MASP1: variants seen among roughly 807,000 people sequenced by gnomAD.
MASP1 encodes mannan-binding lectin serine protease 1.
A neutral mutation model predicts 77.1 loss-of-function variants in MASP1; 59 were observed. The observed-to-expected ratio is 0.77, with a 90% CI of 0.62 to 0.95. The LOEUF (loss-of-function observed/expected upper bound fraction) is 0.95, where lower values mean the gene tolerates loss of function less well. Among genes scored for constraint, MASP1 ranks in the 40% least tolerant of loss-of-function variants. MASP1 has a pLI of 0.00. For missense variants in MASP1, 885 were observed against 912.9 expected (o/e 0.97, Z 0.39); for synonymous variants, 362 against 354.5 (o/e 1.02, Z -0.24).
intron 2 of MASP1, among the ~76,000 whole-genome samples, chr3:187,282,036 A>G (rs1224145935): frequency 6.6e-6 from 1 of 151,894 alleles, no homozygotes; most frequent in African/African-American, 2.4e-5. Context: ...CACTCTCTGA[A>G]CTCTGACCTC....
intron 2 of MASP1, among the ~76,000 whole-genome samples, chr3:187,268,187 A>T (rs1716201866): frequency 6.6e-6 from 1 of 152,186 alleles, no homozygotes; most frequent in Non-Finnish European, 1.5e-5. Context: ...AAGGTAGAAA[A>T]ATGTATGTAA....
chr3:187,279,323 G>A (rs1363700833), intron 2 of MASP1, among the ~76,000 whole-genome samples: 2 of 152,200 alleles, frequency 1.3e-5, no homozygotes, highest in East Asian at 3.9e-4. Flanking sequence ...TACCCACAAG[G>A]CCACCTCTTC....
intron 2 of MASP1, among the ~76,000 whole-genome samples, chr3:187,272,199 T>C (rs1716581674): frequency 6.6e-6 from 1 of 152,094 alleles, no homozygotes. Context: ...GAAAGACAGA[T>C]CTTAGATGTT....
intron 2 of MASP1, among the ~76,000 whole-genome samples, chr3:187,279,537 C>A (rs1414274396): frequency 1.3e-5 from 2 of 152,178 alleles, no homozygotes; most frequent in Non-Finnish European, 2.9e-5. Context: ...ATTAATTCAA[C>A]CTTTGACCAC....
downstream of MASP1, among the ~76,000 whole-genome samples, chr3:187,233,822 G>T (rs1383355820): frequency 6.6e-6 from 1 of 152,218 alleles, no homozygotes; most frequent in Non-Finnish European, 1.5e-5. Flanking sequence ...GGGGGGTTGG[G>T]CCTTCAGGCT....
intron 11 of MASP1, among the ~76,000 whole-genome samples, chr3:187,228,634 C>T (rs4315676): frequency 0.085 from 12,960 of 152,138 alleles, 811 homozygotes; most frequent in African/African-American, 0.17. Context: ...TCTCTGTCCT[C>T]TCCATTGTTG....
At chr3:187,241,777 A>G (rs1382667241) in intron 9 of MASP1, 4 of 483,864 alleles carry the variant, frequency 8.3e-6, no homozygotes, top group East Asian at 7.8e-5. Context: ...AAAGGGACCA[A>G]TTAACCTCCA....
chr3:187,224,625 C>T (rs1040040283), intron 13 of MASP1, among the ~76,000 whole-genome samples: 2 of 151,994 alleles, frequency 1.3e-5, no homozygotes, highest in Admixed American at 6.6e-5. Context: ...GGATTACAGG[C>T]GTGAGCCACC....
At chr3:187,285,156 A>AT (rs5855131) in intron 2 of MASP1, among the ~76,000 whole-genome samples, 37 of 150,760 alleles carry the variant, frequency 2.5e-4, no homozygotes, top group South Asian at 1.5e-3. Flanking sequence ...CACCCATGGA[A>AT]TTTTTTTTTT....
At chr3:187,285,391 A>T (rs1260110880) in intron 2 of MASP1, among the ~76,000 whole-genome samples, 2 of 152,072 alleles carry the variant, frequency 1.3e-5, no homozygotes, top group Non-Finnish European at 2.9e-5. Flanking sequence ...TATATCCTGC[A>T]CTTCCCAAAT....
intron 2 of MASP1, among the ~76,000 whole-genome samples, chr3:187,280,346 G>A (rs1228399749): frequency 6.6e-6 from 1 of 152,174 alleles, no homozygotes; most frequent in Non-Finnish European, 1.5e-5. Flanking sequence ...ATTACACATG[G>A]TGACATAAAG....
intron 5 of MASP1, among the ~76,000 whole-genome samples, chr3:187,254,165 T>C (rs1223196354): frequency 6.6e-6 from 1 of 152,074 alleles, no homozygotes; most frequent in Non-Finnish European, 1.5e-5. Flanking sequence ...TTGTAGGCTG[T>C]CATAAGGGTT....
intron 2 of MASP1, among the ~76,000 whole-genome samples, chr3:187,281,972 C>T (rs2108603535): frequency 6.6e-6 from 1 of 152,262 alleles, no homozygotes; most frequent in Non-Finnish European, 1.5e-5. Flanking sequence ...CAGTGGGTTT[C>T]AACTCAGTGT....
chr3:187,223,103 T>G (rs1712165766), intron 14 of MASP1: 1 of 1,602,892 alleles, frequency 6.2e-7, no homozygotes. Context: ...TGTCACTGTC[T>G]GTAGGTTATA....
chr3:187,251,579 G>GT (rs1469664983), intron 7 of MASP1, 55 bp downstream of exon 7: 40 of 1,449,946 alleles, frequency 2.8e-5, no homozygotes, highest in Non-Finnish European at 3.6e-5. Flanking sequence ...GGAGGGGCAG[G>GT]TTTCGAGAGT....
chr3:187,229,698 TG>T (rs1712650254), downstream of MASP1: 2 of 1,596,132 alleles, frequency 1.3e-6, no homozygotes. Flanking sequence ...GAAGAAACCT[TG>T]GTCAGTCTCC....
At position 187,234,626 on chromosome 3, in the gene MASP1, C is replaced by A; in HGVS notation, c.*1058G>T. On this transcript the variant is annotated 3_prime_UTR_variant, in exon 11 of 11. Coordinates refer to ENST00000296280, the MANE Select transcript of MASP1 (RefSeq NM_139125.4). The stretch of plus-strand genomic sequence containing the variant: ...GGAGTGGGTCCCTCTGAACATCCTG[C>A]GGGGTGGATTCTCCGCCCAGCTCAT... 1.6e-6 allele frequency: 2 copies of A among 1,287,188 alleles called. No individual in the cohort carries two copies. The highest frequency in any genetic ancestry group is 2.0e-6 in the Non-Finnish European group (2 of 988,686). 79.7% of individuals were successfully genotyped at this position (1,287,188 alleles called of 1,614,324 possible).
At chr3:187,230,491 G>A (rs986449131), downstream of MASP1, among the ~76,000 whole-genome samples, 1 of 152,112 alleles carries the variant, frequency 6.6e-6, no homozygotes, top group Non-Finnish European at 1.5e-5. Context: ...CCCTTAAGCT[G>A]CTTATGTTTG....
chr3:187,243,324 A>G, intron 9 of MASP1, 160 bp downstream of exon 9: 1 of 765,400 alleles, frequency 1.3e-6, no homozygotes, highest in Non-Finnish European at 2.3e-6. Flanking sequence ...AAGCTCATGA[A>G]AAGTGAGAAC....
Sources: allele counts gnomAD v4.1 joint callset (sites outside exome capture counted in the v4.1 genomes callset), GRCh38; gene constraint gnomAD v4.1.1; transcripts MANE v1.5; gene names NCBI Gene and HGNC (gene_info 2026-07-23, HGNC 2026-07-21).